Variants in RBM17 observed in about 807,000 individuals in gnomAD.
The protein encoded by RBM17 is RNA binding motif protein 17, also known as splicing factor 45.
Under a neutral mutation model 53.2 loss-of-function variants are expected in RBM17, and 7 were observed. That is an observed-to-expected ratio of 0.13 (90% CI 0.07 to 0.25). The LOEUF (loss-of-function observed/expected upper bound fraction) is 0.25. RBM17 is among the 10% of genes least tolerant of loss of function. RBM17 has a pLI of 1.00. For synonymous variants in RBM17, 167 were observed against 178.1 expected, an observed-to-expected ratio of 0.94 and a Z score of 0.50; for missense variants, 257 against 496.7, an observed-to-expected ratio of 0.52 and a Z score of 4.59.
chr10:6,097,215 C>A, intron 2 of RBM17, 27 bp downstream of exon 2: 1 of 1,605,918 alleles, frequency 6.2e-7, no homozygotes, highest in Non-Finnish European at 8.5e-7. Flanking sequence ...AGCATGAGAG[C>A]AGAGGCCTCC....
intron 1 of RBM17, among the ~76,000 whole-genome samples, chr10:6,091,472 C>A (rs1212236442): frequency 2.6e-5 from 4 of 152,204 alleles, no homozygotes; most frequent in Non-Finnish European, 4.4e-5. Flanking sequence ...GTGCTCAGAA[C>A]TCAGACCTTG....
rs775938505 is a variant in RBM17, at chr10:6,106,158, A to G, written c.425A>G (p.His142Arg). The G allele has an allele frequency of 1.9e-6, 3 of 1,613,306 alleles. No homozygotes were observed. The highest frequency in any genetic ancestry group is 1.1e-5 in the South Asian group (1 of 91,070). ...EEREKRRKDR[H>R]EASGFARRPD... is the part of the protein sequence containing the mutation. ...TATCACAGAAGGCGTAAAGACAGAC[A>G]TGAAGCAAGTGGGTTTGCAAGGAGA... is the stretch of plus-strand genomic sequence containing the variant. Residue 142 changes from histidine (H) to arginine (R), a missense_variant, in exon 5 of 12, where the codon CAT (histidine) becomes CGT (arginine). Transcript: ENST00000379888.
intron 5 of RBM17, chr10:6,108,361 C>G (rs1342452037): frequency 2.9e-6 from 1 of 348,526 alleles, no homozygotes; most frequent in African/African-American, 2.1e-5. Context: ...TAAATAGTTA[C>G]ATTACTCTCT....
intron 4 of RBM17, 150 bp downstream of exon 4, chr10:6,105,247 T>C (rs12262454): frequency 0.016 from 11,110 of 690,602 alleles, 363 homozygotes; most frequent in African/African-American, 0.096. Flanking sequence ...GTTTTACGAT[T>C]TGTACCTGTT....
chr10:6,109,548 GC>G (rs1414703759), intron 6 of RBM17, among the ~76,000 whole-genome samples: 1 of 152,178 alleles, frequency 6.6e-6, no homozygotes, highest in African/African-American at 2.4e-5. Context: ...CCAGTGCGTA[GC>G]CCCTAACCTC....
chr10:6,115,074 G>C, intron 10 of RBM17, 165 bp from the exon 11 acceptor site: 1 of 631,148 alleles, frequency 1.6e-6, no homozygotes, highest in South Asian at 2.2e-5. Context: ...CATTCAGTAC[G>C]TTTTTGATGA....
At chr10:6,096,786 A>G (rs1840583418) in intron 1 of RBM17, 3 of 211,842 alleles carry the variant, frequency 1.4e-5, no homozygotes, top group Non-Finnish European at 2.8e-5. Flanking sequence ...GTGCCCTAGC[A>G]TTGAAGGATT....
At position 6,105,104 on chromosome 10, in the gene RBM17, C is replaced by A. The variant is rs760233567; in HGVS notation, c.407+7C>A. Reference sequence around the variant, plus strand: ...AAATAGAAGAAAGGGAAAAGTAAGGCTTCCTTTGGATTTGGGGATATTTTA... The same window carrying A: ...AAATAGAAGAAAGGGAAAAGTAAGGATTCCTTTGGATTTGGGGATATTTTA... On this transcript the variant is annotated splice_region_variant and intron_variant, in intron 4 of 11. Coordinates refer to ENST00000379888, the MANE Select transcript of RBM17 (RefSeq NM_032905.5). 6.2e-7 allele frequency: 1 copy of A among 1,609,436 alleles called. No homozygotes were observed. Among genetic ancestry groups the A allele is most frequent in the Non-Finnish European group, 8.5e-7 (1 of 1,176,752 alleles).
At chr10:6,113,453 T>A in intron 8 of RBM17, 55 bp from the exon 9 acceptor site, 1 of 1,183,232 alleles carries the variant, frequency 8.5e-7, no homozygotes, top group Non-Finnish European at 1.3e-6. Context: ...CTGTAACACA[T>A]CTAATGATAT....
intron 8 of RBM17, chr10:6,113,290 A>G: frequency 2.3e-6 from 1 of 426,756 alleles, no homozygotes; most frequent in South Asian, 3.2e-5. Flanking sequence ...AAACATCCAG[A>G]TGCTATTGTA....
intron 9 of RBM17, 75 bp downstream of exon 9, chr10:6,113,656 T>C: frequency 2.1e-6 from 2 of 946,828 alleles, no homozygotes; most frequent in Admixed American, 2.0e-5. Context: ...CTGCTCCCCC[T>C]AAAAGTTAAA....
chr10:6,103,395 GT>G (rs1247835722), intron 3 of RBM17, among the ~76,000 whole-genome samples: 4 of 152,240 alleles, frequency 2.6e-5, no homozygotes, highest in East Asian at 3.9e-4. Flanking sequence ...ATATGTAAAA[GT>G]TTTTTTCTTT....
In RBM17 at chr10:6,097,641, A is replaced by C. The variant is rs147634690; in HGVS notation, c.123+453A>C. ...AGCCGAGATCGCGCCACTGCGCTCCAGCCTGAGCGACAGAGCAAGACTCCG... is the reference window on the plus strand; with the variant it reads ...AGCCGAGATCGCGCCACTGCGCTCCCGCCTGAGCGACAGAGCAAGACTCCG... On this transcript the variant is annotated intron_variant, in intron 2 of 11. Transcript: ENST00000379888. 6.6e-4 allele frequency among the ~76,000 whole-genome samples: 100 copies of C among 152,372 alleles called. No individual in the cohort carries two copies. The East Asian group carries it at 0.015, about 23-fold the overall frequency.
chr10:6,105,199 C>A, intron 4 of RBM17, 102 bp downstream of exon 4: 1 of 1,043,966 alleles, frequency 9.6e-7, no homozygotes, highest in Non-Finnish European at 1.4e-6. Context: ...AGTTAATTGT[C>A]ATGGGTGATC....
Position 6,108,731 on chromosome 10 carries a change from A to G in RBM17, c.551A>G (p.Lys184Arg), listed in dbSNP as rs1270572026. 1.2e-6 allele frequency: 2 copies of G among 1,612,030 alleles called. No homozygotes were observed. The highest frequency in any genetic ancestry group is 2.7e-5 in the African/African-American group (2 of 74,872). ...GCCCCACCCACTTCTCTGGTAGAGA[A>G]AGACAAAGAGTGTAAGTAGATCTGT... ...AIAPPTSLVE[K>R]DKELPRDFPY... is the part of the protein sequence containing the mutation. Residue 184 changes from lysine (K) to arginine (R), a missense_variant, in exon 6 of 12, where the codon AAA becomes AGA. Lys to Arg is a conservative substitution (Grantham distance 26). Coordinates refer to ENST00000379888, the MANE Select transcript of RBM17 (RefSeq NM_032905.5).
At chr10:6,103,051 G>A (rs985165313) in intron 3 of RBM17, among the ~76,000 whole-genome samples, 1 of 152,120 alleles carries the variant, frequency 6.6e-6, no homozygotes, top group Non-Finnish European at 1.5e-5. Flanking sequence ...CTTGGCCTCC[G>A]AAATTGCTGA....
chr10:6,098,563 GTTTTTTTTTTTT>G lies in RBM17; in HGVS notation c.123+1394_123+1405del, dbSNP rs398012715. 4.4e-3 allele frequency among the ~76,000 whole-genome samples: 207 copies of G among 46,656 alleles called. 1 individual carries two copies. The highest frequency in any genetic ancestry group is 0.036 in the Admixed American group (136 of 3,816). 30.6% of individuals were successfully genotyped at this position (46,656 alleles called of 152,430 possible). A position where few individuals can be genotyped will look rare whatever the true frequency, so the allele number is the denominator to read the frequency against. Reference sequence around the variant, plus strand: ...AATTTCCGTAATACACAGGTTTTTTGTTTTTTTTTTTTTTTTTTTTTTTTTTTTTTGAGACGT... The same window carrying G: ...AATTTCCGTAATACACAGGTTTTTTGTTTTTTTTTTTTTTTTTTGAGACGT... On this transcript the variant is annotated intron_variant, in intron 2 of 11. Transcript: ENST00000379888.
At chr10:6,094,482 C>T (rs1476756642) in intron 1 of RBM17, among the ~76,000 whole-genome samples, 1 of 152,114 alleles carries the variant, frequency 6.6e-6, no homozygotes, top group African/African-American at 2.4e-5. Flanking sequence ...GTTAGTATTC[C>T]CTTTCCATTT....
At chr10:6,109,920 T>TA in intron 6 of RBM17, 66 bp from the exon 7 acceptor site, 1 of 1,299,996 alleles carries the variant, frequency 7.7e-7, no homozygotes, top group Non-Finnish European at 1.0e-6. Context: ...AAATAATTGA[T>TA]ACAAGTGAGG....
Sources: gnomAD v4.1 joint callset for allele counts (sites outside exome capture counted in the v4.1 genomes callset) on GRCh38, gnomAD v4.1.1 for gene constraint, MANE v1.5 for transcripts, NCBI Gene and HGNC (gene_info 2026-07-23, HGNC 2026-07-21) for gene names.